The following EXPH5 variants were observed in gnomAD, a reference collection of about 807,000 sequenced individuals.
EXPH5 encodes exophilin 5.
A neutral mutation model predicts 41.1 loss-of-function variants in EXPH5; 42 were observed. The observed-to-expected ratio is 1.02, with a 90% CI of 0.80 to 1.32. The LOEUF is 1.32. Ranked by LOEUF, EXPH5 falls within the 40% of genes most tolerant of loss-of-function variation. EXPH5 has a pLI of 0.00. For synonymous variants in EXPH5, 798 were observed against 833.5 expected, an observed-to-expected ratio of 0.96 and a Z score of 0.73; for missense variants, 2,298 against 2,314.5, an observed-to-expected ratio of 0.99 and a Z score of 0.15.
In EXPH5 at chr11:108,514,520, C is replaced by T. The variant is rs368217435; in HGVS notation, c.987G>A (p.Ser329=). The change falls in exon 6 of 6, where the codon TCG becomes TCA. Residue 329 remains serine (S), a synonymous_variant. Coordinates refer to ENST00000265843, the MANE Select transcript of EXPH5 (RefSeq NM_015065.3). ...TSLCFDSRQR[S]ALPATGHFTA... Reference sequence around the variant, plus strand: ...TGAAATGCCCTGTGGCTGGTAAGGCCGACCGTTGCCTGCTGTCAAAACACA... The same window carrying T: ...TGAAATGCCCTGTGGCTGGTAAGGCTGACCGTTGCCTGCTGTCAAAACACA... 43 of 1,612,500 alleles carry T rather than the reference C, an allele frequency of 2.7e-5. No individual in the cohort carries two copies. The African/African-American group carries it at 3.2e-4, about 12-fold the overall frequency.
intron 3 of EXPH5, among the ~76,000 whole-genome samples, chr11:108,531,661 C>T (rs944391816): frequency 2.8e-4 from 42 of 152,240 alleles, no homozygotes; most frequent in African/African-American, 1.0e-3. Flanking sequence ...TAGGATGGGG[C>T]TCAAGAATAT....
At chr11:108,539,489 A>G (rs1286108771) in intron 2 of EXPH5, among the ~76,000 whole-genome samples, 1 of 152,198 alleles carries the variant, frequency 6.6e-6, no homozygotes, top group Non-Finnish European at 1.5e-5. Context: ...ACCCCATTCA[A>G]TTCTCATGTT....
chr11:108,556,215 G>A (rs1247948836), intron 1 of EXPH5, among the ~76,000 whole-genome samples: 1 of 151,892 alleles, frequency 6.6e-6, no homozygotes, highest in Non-Finnish European at 1.5e-5. Flanking sequence ...CCTTGTAAGG[G>A]TTAAAGCAGG....
At chr11:108,530,089 A>G (rs1311889983) in intron 3 of EXPH5, among the ~76,000 whole-genome samples, 2 of 152,232 alleles carry the variant, frequency 1.3e-5, no homozygotes, top group Non-Finnish European at 2.9e-5. Flanking sequence ...AGATAACCAC[A>G]TGTATTTTAT....
chr11:108,573,170 AAGAAAGAAAGAAAGAAAG>A (rs772176356), intron 1 of EXPH5, among the ~76,000 whole-genome samples: 76 of 146,368 alleles, frequency 5.2e-4, no homozygotes, highest in Non-Finnish European at 8.9e-4. Context: ...GAAAGAAAGA[AAGAAAGAAAGAAAGAAAG>A]AAAGAAAGAA....
chr11:108,550,117 T>C (rs978006789), intron 1 of EXPH5, among the ~76,000 whole-genome samples: 2 of 152,234 alleles, frequency 1.3e-5, no homozygotes, highest in South Asian at 2.1e-4. Flanking sequence ...CCTCCTGGAA[T>C]CTGGGCCAGA....
Position 108,511,996 on chromosome 11 carries a change from T to TTGGTTAAAG in EXPH5, c.3510_3511insCTTTAACCA (p.Val1170_Arg1171insLeuTer). 1.3e-6 allele frequency: 2 copies of TTGGTTAAAG among 1,594,724 alleles called. No homozygotes were observed. The highest frequency in any genetic ancestry group is 1.7e-6 in the Non-Finnish European group (2 of 1,173,820). The stretch of plus-strand genomic sequence containing the variant: ...TGTCTTTTGGTTAAAGAACAATCTC[T>TTGGTTAAAG]AACAGATGAGTCACTTTCCACAGGG... On this transcript the variant is annotated stop_gained and inframe_insertion, in exon 6 of 6. Transcript: ENST00000265843. LOFTEE classifies it low-confidence loss of function (END_TRUNC).
chr11:108,524,565 C>T (rs2093785937), intron 4 of EXPH5, among the ~76,000 whole-genome samples: 1 of 152,144 alleles, frequency 6.6e-6, no homozygotes, highest in African/African-American at 2.4e-5. Flanking sequence ...TTTTACACAA[C>T]TCCAATTCAC....
intron 1 of EXPH5, among the ~76,000 whole-genome samples, chr11:108,562,201 G>A (rs1018590524): frequency 6.6e-6 from 1 of 151,716 alleles, no homozygotes; most frequent in Non-Finnish European, 1.5e-5. Flanking sequence ...AGCATTGATT[G>A]GGACAGGAAA....
At chr11:108,516,021 A>G (rs915593757) in intron 5 of EXPH5, among the ~76,000 whole-genome samples, 2 of 151,124 alleles carry the variant, frequency 1.3e-5, no homozygotes, top group Non-Finnish European at 3.0e-5. Flanking sequence ...GCAGTGAGCC[A>G]AGATGGCGCC....
upstream of EXPH5, among the ~76,000 whole-genome samples, chr11:108,594,744 C>A (rs2094136242): frequency 6.6e-6 from 1 of 152,124 alleles, no homozygotes; most frequent in South Asian, 2.1e-4. Flanking sequence ...ATAAAATGTA[C>A]TTCTACATAT....
intron 1 of EXPH5, among the ~76,000 whole-genome samples, chr11:108,587,502 C>T (rs1016285066): frequency 2.6e-5 from 4 of 152,134 alleles, no homozygotes; most frequent in African/African-American, 9.7e-5. Flanking sequence ...TAATCCTTGA[C>T]CACAAGGAAT....
the EXPH5 span, among the ~76,000 whole-genome samples, chr11:108,603,041 C>T: frequency 2.0e-5 from 3 of 152,150 alleles, no homozygotes; most frequent in Non-Finnish European, 4.4e-5. Flanking sequence ...AAGCATCTGA[C>T]ATTTCCCCTG....
At chr11:108,550,801 T>A (rs1414057429) in intron 1 of EXPH5, among the ~76,000 whole-genome samples, 2 of 151,394 alleles carry the variant, frequency 1.3e-5, no homozygotes, top group Admixed American at 6.6e-5. Flanking sequence ...AATAAATAAA[T>A]AAAAAATAAA....
intron 1 of EXPH5, among the ~76,000 whole-genome samples, chr11:108,545,185 A>C (rs534996676): frequency 5.9e-5 from 9 of 152,328 alleles, no homozygotes; most frequent in African/African-American, 2.2e-4. Context: ...AGGCCGAGGC[A>C]GGATGATTGC....
At position 108,507,289 on chromosome 11, in the gene EXPH5, G is replaced by C. The variant is rs926458669; in HGVS notation, c.*2248C>G. 7 of 152,162 alleles carry C rather than the reference G, an allele frequency of 4.6e-5. No individual in the cohort carries two copies. Among genetic ancestry groups the C allele is most frequent in the African/African-American group, 1.2e-4 (5 of 41,446 alleles). 9.4% of individuals were successfully genotyped at this position (152,162 alleles called of 1,614,324 possible). A position where few individuals can be genotyped will look rare whatever the true frequency, so the allele number is the denominator to read the frequency against. The stretch of plus-strand genomic sequence containing the variant: ...ACCCACGCATTTTGCGTCTATGTAA[G>C]GGAATGATTAGAAGGATAACAACAA... On this transcript the variant is annotated 3_prime_UTR_variant, in exon 6 of 6. Transcript: ENST00000265843.
rs552444734 is a variant in EXPH5, at chr11:108,519,123, C to T, written c.493-750G>A. Reference sequence around the variant, plus strand: ...TAAACTTGCTTTCACTTTACGGACTCGCCCTGAATTCTTTCTTGTGCGAGA... The same window carrying T: ...TAAACTTGCTTTCACTTTACGGACTTGCCCTGAATTCTTTCTTGTGCGAGA... On this transcript the variant is annotated intron_variant, in intron 4 of 5. Coordinates refer to ENST00000265843, the MANE Select transcript of EXPH5 (RefSeq NM_015065.3). 5.3e-5 allele frequency among the ~76,000 whole-genome samples: 8 copies of T among 152,288 alleles called. No homozygotes were observed. The East Asian group carries it at 7.7e-4, about 15-fold the overall frequency.
chr11:108,527,306 T>C (rs1001392822), intron 4 of EXPH5, among the ~76,000 whole-genome samples: 1 of 151,138 alleles, frequency 6.6e-6, no homozygotes, highest in Non-Finnish European at 1.5e-5. Context: ...GGTGACAGAG[T>C]GAGAAACTGT....
At chr11:108,600,513 TAAG>T in the EXPH5 span, among the ~76,000 whole-genome samples, 1 of 152,220 alleles carries the variant, frequency 6.6e-6, no homozygotes, top group Non-Finnish European at 1.5e-5. Context: ...ACTTGTGACT[TAAG>T]AAGGCAAATT....
Sources: gnomAD v4.1 joint callset for allele counts (sites outside exome capture counted in the v4.1 genomes callset) on GRCh38, gnomAD v4.1.1 for gene constraint, MANE v1.5 for transcripts, NCBI Gene and HGNC (gene_info 2026-07-23, HGNC 2026-07-21) for gene names.